The following ERC1 variants were observed in gnomAD, a reference collection of about 807,000 sequenced individuals.
The protein encoded by ERC1 is RAB6 interacting protein 2.
In ERC1, 56 loss-of-function variants were observed where a neutral mutation model predicts 132.0. That is an observed-to-expected ratio of 0.42 (90% CI 0.34 to 0.53). ERC1 has a LOEUF of 0.53. Ranked by LOEUF, ERC1 falls within the 20% of genes least tolerant of loss-of-function variation. The probability of loss-of-function intolerance (pLI) is 0.03; values close to 1 mark genes in which losing one functional copy is unlikely to be tolerated. For synonymous variants in ERC1, 478 were observed against 476.1 expected (o/e 1.00, Z -0.05); for missense variants, 1,202 against 1,349.9 (o/e 0.89, Z 1.72).
intron 2 of ERC1, among the ~76,000 whole-genome samples, chr12:1,071,693 C>A (rs1330156151): frequency 6.6e-6 from 1 of 152,010 alleles, no homozygotes; most frequent in Non-Finnish European, 1.5e-5. Flanking sequence ...CCATATGATA[C>A]AATGTTCTCT....
intron 8 of ERC1, among the ~76,000 whole-genome samples, chr12:1,168,137 T>C (rs940127653): frequency 6.6e-6 from 1 of 152,104 alleles, no homozygotes; most frequent in Non-Finnish European, 1.5e-5. Context: ...TTTATTTTTT[T>C]TGAGACAGGG....
chr12:1,461,402 TCA>T (rs1332634238), intron 18 of ERC1, among the ~76,000 whole-genome samples: 1 of 152,208 alleles, frequency 6.6e-6, no homozygotes, highest in African/African-American at 2.4e-5. Flanking sequence ...GCACAGTGGC[TCA>T]CACTTGTAAT....
chr12:1,169,305 T>C (rs1301912684), intron 8 of ERC1, among the ~76,000 whole-genome samples: 1 of 152,300 alleles, frequency 6.6e-6, no homozygotes, highest in East Asian at 1.9e-4. Context: ...CTAGAGATTG[T>C]CTTAGCTAAA....
chr12:1,041,792 T>A (rs538234907), intron 2 of ERC1, among the ~76,000 whole-genome samples: 2 of 152,328 alleles, frequency 1.3e-5, no homozygotes, highest in East Asian at 3.9e-4. Context: ...GGTAACTTTG[T>A]TGATTTGTTG....
intron 1 of ERC1, among the ~76,000 whole-genome samples, chr12:1,023,688 A>G (rs1012408727): frequency 6.6e-6 from 1 of 152,226 alleles, no homozygotes; most frequent in Non-Finnish European, 1.5e-5. Flanking sequence ...AGAATAACAT[A>G]GGGATGAAGA....
At chr12:1,405,487 T>C (rs752172362) in intron 16 of ERC1, among the ~76,000 whole-genome samples, 2 of 151,990 alleles carry the variant, frequency 1.3e-5, no homozygotes, top group Non-Finnish European at 2.9e-5. Context: ...GCGGATTATA[T>C]GAGGTCAGGA....
chr12:1,459,593 T>C (rs1351300623), intron 18 of ERC1, among the ~76,000 whole-genome samples: 2 of 152,246 alleles, frequency 1.3e-5, no homozygotes, highest in Non-Finnish European at 2.9e-5. Context: ...GGCACCATTA[T>C]AGTAGTGACT....
At chr12:1,292,261 G>T (rs2079508363) in intron 15 of ERC1, among the ~76,000 whole-genome samples, 1 of 152,094 alleles carries the variant, frequency 6.6e-6, no homozygotes, top group Non-Finnish European at 1.5e-5. Flanking sequence ...TTCAGGGAAG[G>T]GGTGGCAGAG....
chr12:1,312,829 C>G (rs2154350662), intron 15 of ERC1, among the ~76,000 whole-genome samples: 1 of 152,074 alleles, frequency 6.6e-6, no homozygotes, highest in East Asian at 1.9e-4. Context: ...TTTAAAAGTT[C>G]TACTTTTAAA....
At chr12:1,289,743 G>A in intron 14 of ERC1, 109 bp from the exon 15 acceptor site, 2 of 764,286 alleles carry the variant, frequency 2.6e-6, no homozygotes, top group South Asian at 3.5e-5. Flanking sequence ...TTTTCAATGT[G>A]TTCCTGCGTC....
chr12:1,245,873 A>G (rs1336817899), intron 13 of ERC1, among the ~76,000 whole-genome samples: 1 of 152,190 alleles, frequency 6.6e-6, no homozygotes, highest in Non-Finnish European at 1.5e-5. Flanking sequence ...AACTTATCTC[A>G]TACTTTTTGG....
At chr12:1,484,292 A>T (rs553566376) in intron 18 of ERC1, among the ~76,000 whole-genome samples, 6 of 151,468 alleles carry the variant, frequency 4.0e-5, no homozygotes, top group Admixed American at 2.6e-4. Flanking sequence ...TGACAGAGCG[A>T]GACTCCGTCT....
intron 17 of ERC1, among the ~76,000 whole-genome samples, chr12:1,418,648 TC>T (rs1205058444): frequency 7.8e-4 from 113 of 144,828 alleles, no homozygotes; most frequent in African/African-American, 2.9e-3. Context: ...TCTTTCTCTC[TC>T]TCTCTCTCTC....
At chr12:1,019,166 C>G (rs544806882) in intron 1 of ERC1, among the ~76,000 whole-genome samples, 2 of 152,214 alleles carry the variant, frequency 1.3e-5, no homozygotes, top group African/African-American at 4.8e-5. Context: ...CTCTGTCTCC[C>G]AGGCTGGAGT....
intron 8 of ERC1, among the ~76,000 whole-genome samples, chr12:1,167,848 T>A (rs2154264132): frequency 6.6e-6 from 1 of 151,610 alleles, no homozygotes; most frequent in African/African-American, 2.4e-5. Context: ...TCCTTAGTAC[T>A]CGGGACTACA....
rs35510985 is a variant in ERC1, at chr12:1,154,354, TACACAC to T, written c.1737+12590_1737+12595del. Among the ~76,000 whole-genome samples, 440 of 145,824 alleles carry T rather than the reference TACACAC, an allele frequency of 3.0e-3. 15 individuals are homozygous for T. In the South Asian group the frequency reaches 0.064, roughly 21 times the overall value. ...ATACACACATACCCATGTGTGTTTA[TACACAC>T]ACACACACACACACACACACACTTT... On this transcript the variant is annotated intron_variant, in intron 8 of 18. Transcript: ENST00000360905.
chr12:1,007,985 A>G (rs1303152973), intron 1 of ERC1, among the ~76,000 whole-genome samples: 2 of 152,188 alleles, frequency 1.3e-5, no homozygotes, highest in Non-Finnish European at 2.9e-5. Flanking sequence ...AGTGGTCTGC[A>G]GTTTTTGGTT....
At chr12:1,345,803 C>A (rs951429060) in intron 15 of ERC1, among the ~76,000 whole-genome samples, 1 of 152,080 alleles carries the variant, frequency 6.6e-6, no homozygotes, top group East Asian at 1.9e-4. Context: ...TTTGCTGTAT[C>A]GTTTTGCTTA....
intron 1 of ERC1, among the ~76,000 whole-genome samples, chr12:1,013,027 G>A (rs1051797133): frequency 6.6e-6 from 1 of 152,134 alleles, no homozygotes; most frequent in African/African-American, 2.4e-5. Context: ...TTTGTGAACA[G>A]GTACATCTGT....
Sources: allele counts gnomAD v4.1 joint callset (sites outside exome capture counted in the v4.1 genomes callset), GRCh38; gene constraint gnomAD v4.1.1; transcripts MANE v1.5; gene names NCBI Gene and HGNC (gene_info 2026-07-23, HGNC 2026-07-21).